EPC2: variants seen among roughly 807,000 people sequenced by gnomAD.
EPC2 encodes enhancer of polycomb 2, also known as enhancer of polycomb homolog 2.
A neutral mutation model predicts 92.1 loss-of-function variants in EPC2; 14 were observed. That is an observed-to-expected ratio of 0.15 (90% CI 0.10 to 0.24). EPC2 has a LOEUF of 0.24. EPC2 is among the 10% of genes least tolerant of loss of function. EPC2 has a pLI of 1.00. For missense variants in EPC2, 755 were observed against 971.5 expected (o/e 0.78, Z 2.96); for synonymous variants, 340 against 334.7 (o/e 1.02, Z -0.17).
intron 1 of EPC2, among the ~76,000 whole-genome samples, chr2:148,681,380 A>G (rs962044498): frequency 7.9e-5 from 12 of 152,174 alleles, no homozygotes; most frequent in African/African-American, 2.4e-4. Flanking sequence ...TGTGTGGAGA[A>G]TGGCAGGTAG....
chr2:148,726,606 T>G (rs1368229029), intron 2 of EPC2, among the ~76,000 whole-genome samples: 1 of 152,014 alleles, frequency 6.6e-6, no homozygotes, highest in African/African-American at 2.4e-5. Context: ...TATCATTGTG[T>G]TTTTTTGTTT....
intron 10 of EPC2, among the ~76,000 whole-genome samples, chr2:148,780,423 A>G (rs1177943300): frequency 6.6e-6 from 1 of 152,114 alleles, no homozygotes; most frequent in Non-Finnish European, 1.5e-5. Context: ...AATTTTTTTG[A>G]TTATTCATGT....
chr2:148,751,194 A>G (rs1230115282), intron 3 of EPC2, among the ~76,000 whole-genome samples: 1 of 152,112 alleles, frequency 6.6e-6, no homozygotes, highest in Non-Finnish European at 1.5e-5. Flanking sequence ...TTACTGCTTA[A>G]CTCAATGTTT....
At chr2:148,753,075 G>A (rs1324542794) in intron 3 of EPC2, among the ~76,000 whole-genome samples, 1 of 152,140 alleles carries the variant, frequency 6.6e-6, no homozygotes, top group Non-Finnish European at 1.5e-5. Context: ...ATGGATATGT[G>A]TAACCCCCAT....
intron 12 of EPC2, among the ~76,000 whole-genome samples, chr2:148,784,305 A>G (rs764204558): frequency 1.7e-4 from 26 of 152,156 alleles, no homozygotes; most frequent in Non-Finnish European, 3.5e-4. Flanking sequence ...TTGCTTTTAT[A>G]TATACCCATG....
At position 148,706,178 on chromosome 2, in the gene EPC2, C is replaced by G. The variant is rs1473235032; in HGVS notation, c.313+15805C>G. 2.0e-5 allele frequency among the ~76,000 whole-genome samples: 3 copies of G among 152,096 alleles called. 1 individual carries two copies. The highest frequency in any genetic ancestry group is 7.2e-5 in the African/African-American group (3 of 41,398). ...TTAAATGACCTGATGGAGCTGAAAA[C>G]CATGGCACGAGAGCTTCGTGATGCA... On this transcript the variant is annotated intron_variant, in intron 2 of 13. Transcript: ENST00000258484.
At chr2:148,676,679 AGTTAT>A (rs1431889828) in intron 1 of EPC2, among the ~76,000 whole-genome samples, 2 of 150,898 alleles carry the variant, frequency 1.3e-5, no homozygotes, top group East Asian at 3.9e-4. Context: ...GGAGATCTAA[AGTTAT>A]GTTGTTTTTT....
chr2:148,712,776 A>G (rs1381613025), intron 2 of EPC2, among the ~76,000 whole-genome samples: 1 of 152,142 alleles, frequency 6.6e-6, no homozygotes, highest in Non-Finnish European at 1.5e-5. Flanking sequence ...CTAACTACCC[A>G]GTAGGCCGAG....
At chr2:148,780,771 A>G (rs1452384731) in intron 10 of EPC2, among the ~76,000 whole-genome samples, 2 of 152,214 alleles carry the variant, frequency 1.3e-5, no homozygotes, top group East Asian at 1.9e-4. Context: ...AAGTACATGT[A>G]TTATCATGTC....
intron 1 of EPC2, among the ~76,000 whole-genome samples, chr2:148,665,793 T>C (rs1405175042): frequency 2.0e-5 from 3 of 152,182 alleles, no homozygotes; most frequent in Non-Finnish European, 2.9e-5. Context: ...AATGATTCAG[T>C]TCTTATTAAT....
intron 10 of EPC2, among the ~76,000 whole-genome samples, chr2:148,773,267 T>G (rs867418963): frequency 3.9e-5 from 6 of 151,908 alleles, no homozygotes; most frequent in Non-Finnish European, 2.9e-5. Context: ...TAAACTGTTA[T>G]CTTAGGCGTG....
Position 148,716,926 on chromosome 2 carries a change from T to TGGTCTATTTA in EPC2, c.313+26556_313+26565dup, listed in dbSNP as rs1325369766. On this transcript the variant is annotated intron_variant, in intron 2 of 13. Transcript: ENST00000258484. ...CTGCTTCAACTTTAGAACTCATTAT[T>TGGTCTATTTA]GGTCTATTTAGGGATTCAGTTTCTT... Among the ~76,000 whole-genome samples, 6 of 152,342 alleles carry TGGTCTATTTA rather than the reference T, an allele frequency of 3.9e-5. No individual in the cohort carries two copies. In the East Asian group the frequency reaches 1.2e-3, roughly 29 times the overall value.
intron 11 of EPC2, among the ~76,000 whole-genome samples, chr2:148,782,564 A>G (rs1182809483): frequency 6.6e-6 from 1 of 152,076 alleles, no homozygotes; most frequent in Non-Finnish European, 1.5e-5. Flanking sequence ...ATTAATTAAA[A>G]TTTTTTAAAA....
chr2:148,743,494 A>T (rs1682920170), intron 2 of EPC2, 128 bp from the exon 3 acceptor site: 1 of 613,016 alleles, frequency 1.6e-6, no homozygotes, highest in Non-Finnish European at 2.6e-6. Flanking sequence ...TTAATTGTGG[A>T]TACCTTCTCC....
At chr2:148,715,025 GTTTTTTTTTTT>G (rs60115354) in intron 2 of EPC2, among the ~76,000 whole-genome samples, 28 of 86,874 alleles carry the variant, frequency 3.2e-4, no homozygotes, top group South Asian at 1.1e-3. Flanking sequence ...TTCTTCTAGG[GTTTTTTTTTTT>G]TTTTTTTTTT....
chr2:148,735,833 A>G lies in EPC2; in HGVS notation c.314-7789A>G, dbSNP rs764966359. ...TGTGCATATTTCTTGACTGTCTTAT[A>G]AGTGATCTCATTTATCTTACTTTTT... is the stretch of plus-strand genomic sequence containing the variant. On this transcript the variant is annotated intron_variant, in intron 2 of 13. Coordinates refer to ENST00000258484, the MANE Select transcript of EPC2 (RefSeq NM_015630.4). Among the ~76,000 whole-genome samples, 50 of 152,112 alleles carry G rather than the reference A, an allele frequency of 3.3e-4. 1 individual carries two copies. The highest frequency in any genetic ancestry group is 3.4e-3 in the Middle Eastern group (1 of 292).
chr2:148,739,916 G>A lies in EPC2; in HGVS notation c.314-3706G>A, dbSNP rs139450098. Among the ~76,000 whole-genome samples, 10 of 123,744 alleles carry A rather than the reference G, an allele frequency of 8.1e-5. No individual in the cohort carries two copies. The East Asian group carries it at 2.7e-3, about 34-fold the overall frequency. 81.2% of individuals were successfully genotyped at this position (123,744 alleles called of 152,430 possible). On this transcript the variant is annotated intron_variant, in intron 2 of 13. Transcript: ENST00000258484. The stretch of plus-strand genomic sequence containing the variant: ...GTCTTCCATGTACACACAGACACAT[G>A]CCCTTATTAGCTTTGTCAATATCTT...
Position 148,787,507 on chromosome 2 carries a change from C to T in EPC2, c.*1130C>T, listed in dbSNP as rs1057207577. On this transcript the variant is annotated 3_prime_UTR_variant, in exon 14 of 14. Coordinates refer to ENST00000258484, the MANE Select transcript of EPC2 (RefSeq NM_015630.4). ...TTTATGCACTAGTTCAGACAACTTT[C>T]CCTGTTACTTGTTCTTGATAAGTGA... 1 of 152,538 alleles carries T rather than the reference C, an allele frequency of 6.6e-6. No individual in the cohort carries two copies. The highest frequency in any genetic ancestry group is 1.5e-5 in the Non-Finnish European group (1 of 68,012). 9.4% of individuals were successfully genotyped at this position (152,538 alleles called of 1,614,324 possible).
In EPC2 at chr2:148,754,110, A is replaced by G. The variant is rs780130752; in HGVS notation, c.643A>G (p.Thr215Ala). 1.2e-6 allele frequency: 2 copies of G among 1,605,834 alleles called. No individual in the cohort carries two copies. Among genetic ancestry groups the G allele is most frequent in the Admixed American group, 3.4e-5 (2 of 58,654 alleles). ...CCCTTATGTTGCCTTTCGGAGAAGA[A>G]CAGAGAAAATGCAAACTCGAAAGGT... ...NDPYVAFRRR[T>A]EKMQTRKNRK... The change falls in exon 4 of 14, where the codon ACA becomes GCA. Residue 215 changes from threonine (T) to alanine (A), a missense_variant. By Grantham distance (58) the Thr-to-Ala change is moderately conservative. Transcript: ENST00000258484.
Sources: gnomAD v4.1 joint callset for allele counts (sites outside exome capture counted in the v4.1 genomes callset) on GRCh38, gnomAD v4.1.1 for gene constraint, MANE v1.5 for transcripts, NCBI Gene and HGNC (gene_info 2026-07-23, HGNC 2026-07-21) for gene names.